EBI3: variants seen among roughly 807,000 people sequenced by gnomAD.
EBI3 encodes Epstein-Barr virus induced 3, also known as interleukin-27 subunit beta.
In EBI3, 19 loss-of-function variants were observed where a neutral mutation model predicts 21.3. That is an observed-to-expected ratio of 0.89 (90% CI 0.62 to 1.31). The LOEUF is 1.31. Among genes scored for constraint, EBI3 ranks in the 50% most tolerant of loss-of-function variants. The pLI, the probability that EBI3 is intolerant of heterozygous loss-of-function variation, is 0.00. For missense variants in EBI3, 331 were observed against 314.0 expected (o/e 1.05, Z -0.41); for synonymous variants, 154 against 131.2 (o/e 1.17, Z -1.19).
chr19:4,229,647 C>A, intron 1 of EBI3, 30 bp downstream of exon 1: 1 of 1,581,914 alleles, frequency 6.3e-7, no homozygotes. Context: ...GACTGGGGGG[C>A]CCAGGCAGAC....
At chr19:4,232,793 A>AACGG (rs1341269383) in intron 2 of EBI3, among the ~76,000 whole-genome samples, 1 of 62,774 alleles carries the variant, frequency 1.6e-5, no homozygotes, top group Non-Finnish European at 3.1e-5. Flanking sequence ...TGAATGAAGG[A>AACGG]ATGAATTAAT....
intron 1 of EBI3, among the ~76,000 whole-genome samples, chr19:4,230,420 A>G (rs1053019904): frequency 6.6e-6 from 1 of 151,928 alleles, no homozygotes; most frequent in African/African-American, 2.4e-5. Flanking sequence ...AAAAATTAAA[A>G]AATTAGCTAG....
At position 4,231,195 on chromosome 19, in the gene EBI3, C is replaced by G; in HGVS notation, c.72C>G (p.Pro24=). Residue 24 remains proline, a synonymous_variant, in exon 2 of 5, where the codon CCC becomes CCG. Coordinates refer to ENST00000221847, the MANE Select transcript of EBI3 (RefSeq NM_005755.3). Reference sequence around the variant, plus strand: ...ACTCTTTCTGTCTTCCTCCAGGGCCCCCAGCAGCTCTGACACTGCCCCGGG... The same window carrying G: ...ACTCTTTCTGTCTTCCTCCAGGGCCGCCAGCAGCTCTGACACTGCCCCGGG... The part of the protein sequence containing the change: ...SCPPCSGRKG[P]PAALTLPRVQ... 6.3e-7 allele frequency: 1 copy of G among 1,587,084 alleles called. No individual in the cohort carries two copies. The highest frequency in any genetic ancestry group is 1.1e-5 in the South Asian group (1 of 88,490).
intron 1 of EBI3, among the ~76,000 whole-genome samples, chr19:4,230,736 T>C (rs1448835096): frequency 6.6e-6 from 1 of 151,932 alleles, no homozygotes. Context: ...ATACAAAAAT[T>C]AGCCAAGCGT....
intron 3 of EBI3, among the ~76,000 whole-genome samples, chr19:4,234,134 A>T (rs1367415250): frequency 6.6e-6 from 1 of 152,198 alleles, no homozygotes; most frequent in East Asian, 1.9e-4. Context: ...TGAACCCAGG[A>T]GGTGGAGGTT....
In EBI3 at chr19:4,234,813, C is replaced by T. The variant is rs745807169; in HGVS notation, c.526C>T (p.Arg176Cys). The change falls in exon 4 of 5, where the codon CGC (arginine) becomes TGC (cysteine). Residue 176 changes from arginine to cysteine, a missense_variant. Coordinates refer to ENST00000221847, the MANE Select transcript of EBI3 (RefSeq NM_005755.3). ...CCGTTACAAGCGTCAGGGAGCTGCG[C>T]GCTTCCACCGGGTGAGGAGGATGAG... is the stretch of plus-strand genomic sequence containing the variant. ...WIRYKRQGAARFHRVGPIEAT... is the reference protein window; with the variant it reads ...WIRYKRQGAACFHRVGPIEAT... 5.0e-6 allele frequency: 8 copies of T among 1,613,730 alleles called. No individual in the cohort carries two copies. Among genetic ancestry groups the T allele is most frequent in the African/African-American group, 4.0e-5 (3 of 74,910 alleles).
Position 4,237,294 on chromosome 19 carries a change from T to G in EBI3, c.*206T>G, listed in dbSNP as rs1970849392. On this transcript the variant is annotated 3_prime_UTR_variant, in exon 5 of 5. Transcript: ENST00000221847. Reference sequence around the variant, plus strand: ...TGAGAAATGGAGATGTACTACTCTCTCCTTTACCTTTACCTTTACCACAGT... The same window carrying G: ...TGAGAAATGGAGATGTACTACTCTCGCCTTTACCTTTACCTTTACCACAGT... 2 of 470,460 alleles carry G rather than the reference T, an allele frequency of 4.3e-6. No individual in the cohort carries two copies. The highest frequency in any genetic ancestry group is 3.6e-6 in the Non-Finnish European group (1 of 277,052). The allele number at this position is 470,460 out of a possible 1,614,324, so 29.1% of individuals were successfully genotyped here.
In EBI3 at chr19:4,231,294, C is replaced by T. The variant is rs1970780040; in HGVS notation, c.171C>T (p.Thr57=). 1 of 1,612,722 alleles carries T rather than the reference C, an allele frequency of 6.2e-7. No homozygotes were observed. Among genetic ancestry groups the T allele is most frequent in the African/African-American group, 1.3e-5 (1 of 74,778 alleles). The part of the protein sequence containing the change: ...SWTLPPAPNS[T]SPVSFIATYR... ...CCCTGCCGCCTGCTCCAAACTCCAC[C>T]AGCCCCGTGTCCTTCATTGCCACGT... is the stretch of plus-strand genomic sequence containing the variant. The change falls in exon 2 of 5, where the codon ACC becomes ACT. Residue 57 remains threonine (T), a synonymous_variant. Transcript: ENST00000221847.
chr19:4,230,504 G>A (rs1970772451), intron 1 of EBI3, among the ~76,000 whole-genome samples: 1 of 152,110 alleles, frequency 6.6e-6, no homozygotes, highest in South Asian at 2.1e-4. Flanking sequence ...CCCAGGAATT[G>A]GAGGCTGCAG....
chr19:4,234,884 C>T (rs1383578821), intron 4 of EBI3, 60 bp downstream of exon 4: 4 of 1,592,960 alleles, frequency 2.5e-6, no homozygotes, highest in Non-Finnish European at 2.6e-6. Context: ...ATGGTTTTTA[C>T]CAAGACTAGC....
At chr19:4,235,558 C>T (rs1466626785) in intron 4 of EBI3, among the ~76,000 whole-genome samples, 1 of 152,222 alleles carries the variant, frequency 6.6e-6, no homozygotes, top group Non-Finnish European at 1.5e-5. Context: ...CTTAGGTGAT[C>T]CACCTGCCTG....
At position 4,237,024 on chromosome 19, in the gene EBI3, C is replaced by G. The variant is rs1304081578; in HGVS notation, c.626C>G (p.Thr209Arg). 8.9e-6 allele frequency: 14 copies of G among 1,580,306 alleles called. No homozygotes were observed. The highest frequency in any genetic ancestry group is 1.4e-5 in the African/African-American group (1 of 72,830). Residue 209 changes from threonine (T) to arginine (R), a missense_variant, in exon 5 of 5, where the codon ACA becomes AGA. Transcript: ENST00000221847. ...YYVQVAAQDL[T>R]DYGELSDWSL... is the part of the protein sequence containing the mutation. Reference sequence around the variant, plus strand: ...GTCCAAGTGGCGGCTCAGGACCTCACAGACTACGGGGAACTGAGTGACTGG... The same window carrying G: ...GTCCAAGTGGCGGCTCAGGACCTCAGAGACTACGGGGAACTGAGTGACTGG...
chr19:4,236,721 G>A (rs993668811), intron 4 of EBI3, among the ~76,000 whole-genome samples: 5 of 151,994 alleles, frequency 3.3e-5, no homozygotes, highest in African/African-American at 4.8e-5. Context: ...GGAAGGATTC[G>A]TAAGAGAGGT....
intron 2 of EBI3, among the ~76,000 whole-genome samples, chr19:4,231,715 G>C (rs1419567770): frequency 1.4e-5 from 2 of 145,542 alleles, no homozygotes; most frequent in Non-Finnish European, 3.0e-5. Context: ...AGGTTGCAGT[G>C]AGCCAAGATG....
At chr19:4,232,998 AC>A in intron 2 of EBI3, 130 bp from the exon 3 acceptor site, 1 of 1,106,134 alleles carries the variant, frequency 9.0e-7, no homozygotes, top group Non-Finnish European at 1.2e-6. Context: ...CCAGGACCCC[AC>A]CCCGGGATCC....
chr19:4,231,293 C>T lies in EBI3; in HGVS notation c.170C>T (p.Thr57Ile). The part of the protein sequence containing the change: ...SWTLPPAPNS[T>I]SPVSFIATYR... ...ACCCTGCCGCCTGCTCCAAACTCCA[C>T]CAGCCCCGTGTCCTTCATTGCCACG... The change falls in exon 2 of 5, where the codon ACC (threonine) becomes ATC (isoleucine). Residue 57 changes from threonine to isoleucine, a missense_variant. Transcript: ENST00000221847. The T allele has an allele frequency of 1.2e-6, 2 of 1,612,826 alleles. No individual in the cohort carries two copies.
intron 4 of EBI3, among the ~76,000 whole-genome samples, chr19:4,235,394 G>T (rs1289791028): frequency 6.8e-6 from 1 of 146,888 alleles, no homozygotes; most frequent in Non-Finnish European, 1.5e-5. Context: ...ATCTTGGCTC[G>T]CTGAAACCTC....
rs1280212595 is a variant in EBI3, at chr19:4,237,069, C to T, written c.671C>T (p.Thr224Ile). Reference sequence around the variant, plus strand: ...GACTGGAGTCTCCCCGCCACTGCCACAATGAGCCTGGGCAAGTAGCAAGGG... The same window carrying T: ...GACTGGAGTCTCCCCGCCACTGCCATAATGAGCCTGGGCAAGTAGCAAGGG... ...LSDWSLPATA[T>I]MSLGK Residue 224 changes from threonine (T) to isoleucine (I), a missense_variant, in exon 5 of 5, where the codon ACA (threonine) becomes ATA (isoleucine). Thr to Ile is a moderately conservative substitution (Grantham distance 89, BLOSUM62 -1). Transcript: ENST00000221847. 1 of 1,553,422 alleles carries T rather than the reference C, an allele frequency of 6.4e-7. No homozygotes were observed. The highest frequency in any genetic ancestry group is 1.4e-5 in the African/African-American group (1 of 71,864).
At chr19:4,231,475 A>T in intron 2 of EBI3, 152 bp downstream of exon 2, 1 of 1,232,544 alleles carries the variant, frequency 8.1e-7, no homozygotes, top group South Asian at 2.0e-5. Flanking sequence ...GTCCAATAGA[A>T]ATATACTTTC....
Sources: gnomAD v4.1 joint callset for allele counts (sites outside exome capture counted in the v4.1 genomes callset) on GRCh38, gnomAD v4.1.1 for gene constraint, MANE v1.5 for transcripts, NCBI Gene and HGNC (gene_info 2026-07-23, HGNC 2026-07-21) for gene names.